The following CATSPERT variants were observed in gnomAD, a reference collection of about 807,000 sequenced individuals.
CATSPERT encodes catsper channel auxiliary subunit tau.
At chr2:201,512,123 T>C in the CATSPERT span, among the ~76,000 whole-genome samples, 5 of 152,164 alleles carry the variant, frequency 3.3e-5, no homozygotes. Context: ...AATTTTGTTT[T>C]ATATGTTGGG....
At chr2:201,589,743 A>C in the CATSPERT span, among the ~76,000 whole-genome samples, 1 of 152,210 alleles carries the variant, frequency 6.6e-6, no homozygotes, top group Non-Finnish European at 1.5e-5. Flanking sequence ...TCTCAACAAA[A>C]GCAAAAATTG....
chr2:201,530,337 T>A, the CATSPERT span, among the ~76,000 whole-genome samples: 1 of 152,008 alleles, frequency 6.6e-6, no homozygotes, highest in African/African-American at 2.4e-5. Flanking sequence ...ATAGCTAAGA[T>A]ATGGAAGCAA....
the CATSPERT span, chr2:201,619,115 C>T: frequency 7.4e-6 from 12 of 1,614,042 alleles, no homozygotes; most frequent in Non-Finnish European, 1.0e-5. Flanking sequence ...CTATTTGTCT[C>T]TTGGGGTGGC....
chr2:201,537,487 A>T, the CATSPERT span: 2 of 1,579,346 alleles, frequency 1.3e-6, no homozygotes, highest in Non-Finnish European at 1.7e-6. Context: ...TATCTGCTTA[A>T]ACAATTAATA....
the CATSPERT span, chr2:201,601,701 G>A: frequency 1.3e-6 from 2 of 1,557,474 alleles, no homozygotes; most frequent in Non-Finnish European, 1.7e-6. Context: ...GGAACTATAA[G>A]GAGCCATTCT....
At chr2:201,592,198 T>C in the CATSPERT span, among the ~76,000 whole-genome samples, 1 of 152,154 alleles carries the variant, frequency 6.6e-6, no homozygotes, top group East Asian at 1.9e-4. Flanking sequence ...GAAAGGTTGT[T>C]GAATTTTGTC....
At chr2:201,530,970 T>C in the CATSPERT span, among the ~76,000 whole-genome samples, 7 of 137,420 alleles carry the variant, frequency 5.1e-5, no homozygotes, top group African/African-American at 1.8e-4. Flanking sequence ...GGTTTTTTTT[T>C]TTTTTTTTGA....
chr2:201,563,766 C>T, the CATSPERT span, among the ~76,000 whole-genome samples: 1 of 152,152 alleles, frequency 6.6e-6, no homozygotes, highest in Non-Finnish European at 1.5e-5. Context: ...TTATTTCAGA[C>T]CAATCATCTC....
chr2:201,500,385 G>A, the CATSPERT span, among the ~76,000 whole-genome samples: 28 of 152,114 alleles, frequency 1.8e-4, no homozygotes, highest in South Asian at 5.0e-3. Flanking sequence ...ATGGTGGCAC[G>A]CGCCTGTGGT....
chr2:201,520,353 G>C, the CATSPERT span, among the ~76,000 whole-genome samples: 2 of 152,174 alleles, frequency 1.3e-5, no homozygotes, highest in Non-Finnish European at 2.9e-5. Context: ...TCACCTAACA[G>C]CTGCAGAAAA....
the CATSPERT span, among the ~76,000 whole-genome samples, chr2:201,576,853 A>G: frequency 2.5e-3 from 381 of 152,328 alleles, 2 homozygotes; most frequent in Non-Finnish European, 4.4e-3. Context: ...ACTTAAACAT[A>G]ATTCTATATG....
the CATSPERT span, among the ~76,000 whole-genome samples, chr2:201,598,562 A>G: frequency 3.9e-5 from 6 of 152,090 alleles, no homozygotes; most frequent in Non-Finnish European, 5.9e-5. Flanking sequence ...TTTATTTGCA[A>G]ACTAACCAAT....
At chr2:201,618,744 C>T in the CATSPERT span, among the ~76,000 whole-genome samples, 3 of 149,976 alleles carry the variant, frequency 2.0e-5, no homozygotes, top group Non-Finnish European at 4.5e-5. Flanking sequence ...AAAGGAATTG[C>T]TATAAACGAA....
At chr2:201,491,364 G>A in the CATSPERT span, 1 of 1,537,194 alleles carries the variant, frequency 6.5e-7, no homozygotes, top group Admixed American at 2.0e-5. Flanking sequence ...CTGGGAAGAG[G>A]TGTGGTTTCA....
At chr2:201,533,739 C>T in the CATSPERT span, among the ~76,000 whole-genome samples, 2 of 152,006 alleles carry the variant, frequency 1.3e-5, no homozygotes, top group Non-Finnish European at 2.9e-5. Context: ...AAATATGGCC[C>T]CCAATGCATA....
At chr2:201,587,242 T>A in the CATSPERT span, among the ~76,000 whole-genome samples, 2 of 152,154 alleles carry the variant, frequency 1.3e-5, no homozygotes, top group South Asian at 4.2e-4. Context: ...AATTGTCTTT[T>A]GGATAAATTT....
the CATSPERT span, among the ~76,000 whole-genome samples, chr2:201,501,723 A>G: frequency 6.6e-6 from 1 of 152,218 alleles, no homozygotes; most frequent in Non-Finnish European, 1.5e-5. Flanking sequence ...ATTATTACTG[A>G]TTTTACAGAA....
the CATSPERT span, among the ~76,000 whole-genome samples, chr2:201,502,571 C>CAAAAAAAAAAAA: frequency 1.1e-5 from 1 of 95,000 alleles, no homozygotes; most frequent in Non-Finnish European, 2.1e-5. Flanking sequence ...GACTCCATCT[C>CAAAAAAAAAAAA]AAAAAAAAAA....
chr2:201,585,146 C>T, the CATSPERT span, among the ~76,000 whole-genome samples: 1 of 151,910 alleles, frequency 6.6e-6, no homozygotes, highest in African/African-American at 2.4e-5. Context: ...GAAAACCAAA[C>T]ACCGCATGTT....
Sources: allele counts gnomAD v4.1 joint callset (sites outside exome capture counted in the v4.1 genomes callset), GRCh38; gene constraint gnomAD v4.1.1; transcripts MANE v1.5; gene names NCBI Gene and HGNC (gene_info 2026-07-23, HGNC 2026-07-21).